The following ADGRL3 variants were observed in gnomAD, a reference collection of about 807,000 sequenced individuals.
ADGRL3 encodes calcium-independent alpha-latrotoxin receptor 3.
Under a neutral mutation model 153.5 loss-of-function variants are expected in ADGRL3, and 62 were observed. The ratio of observed to expected loss-of-function variants is 0.40; its 90% CI spans 0.33 to 0.50. ADGRL3 has a LOEUF of 0.50. ADGRL3 is among the 20% of genes least tolerant of loss of function. The pLI is 0.47. For synonymous variants in ADGRL3, 710 were observed against 672.5 expected (o/e 1.06, Z -0.86); for missense variants, 1,641 against 1,859.4 (o/e 0.88, Z 2.16).
At position 61,979,565 on chromosome 4, in the gene ADGRL3, C is replaced by T; in HGVS notation, c.2808C>T (p.His936=). The T allele has an allele frequency of 6.2e-7, 1 of 1,613,480 alleles. No individual in the cohort carries two copies. The highest frequency in any genetic ancestry group is 1.7e-4 in the Middle Eastern group (1 of 5,812). ...AVLMAHVEVK[H]SDAVHDLLLD... is the part of the protein sequence containing the mutation. ...TGGCTTTTTCATTGTGTTTCCAGCA[C>T]AGTGATGCGGTCCATGACCTCCTTC... is the stretch of plus-strand genomic sequence containing the variant. The change falls in exon 18 of 27, where the codon CAC becomes CAT. Residue 936 remains histidine (H), a splice_region_variant and synonymous_variant. Transcript: ENST00000683033.
chr4:61,234,719 T>G (rs1396789737), intron 1 of ADGRL3, among the ~76,000 whole-genome samples: 3 of 152,142 alleles, frequency 2.0e-5, no homozygotes, highest in African/African-American at 7.2e-5. Context: ...GTAATTGGTG[T>G]TGTTTTATAG....
chr4:61,268,193 G>A (rs943952596), intron 1 of ADGRL3, among the ~76,000 whole-genome samples: 16 of 151,512 alleles, frequency 1.1e-4, no homozygotes, highest in Non-Finnish European at 1.5e-5. Flanking sequence ...AACTTGGGGG[G>A]AAATTTCTGT....
At chr4:61,639,561 T>C (rs984283603) in intron 5 of ADGRL3, among the ~76,000 whole-genome samples, 2 of 152,130 alleles carry the variant, frequency 1.3e-5, no homozygotes, top group African/African-American at 2.4e-5. Context: ...AAAATCTCTC[T>C]GGAAAATAGG....
At position 61,479,927 on chromosome 4, in the gene ADGRL3, GT is replaced by G. The variant is rs951848819; in HGVS notation, c.-173-17185del. On this transcript the variant is annotated intron_variant, in intron 2 of 26. Transcript: ENST00000683033. Reference sequence around the variant, plus strand: ...ATTTGTATATAGTTAAGGTTCACAAGTTTTTTTTTGATGCATGTATGCATTG... The same window carrying G: ...ATTTGTATATAGTTAAGGTTCACAAGTTTTTTTTGATGCATGTATGCATTG... Among the ~76,000 whole-genome samples the G allele has an allele frequency of 2.3e-3, 351 of 151,224 alleles. 4 individuals carry two copies. Among genetic ancestry groups the G allele is most frequent in the African/African-American group, 8.0e-3 (332 of 41,318 alleles).
intron 5 of ADGRL3, among the ~76,000 whole-genome samples, chr4:61,600,398 C>A (rs1222616030): frequency 6.6e-6 from 1 of 150,692 alleles, no homozygotes; most frequent in Non-Finnish European, 1.5e-5. Context: ...TCCTGGAGCT[C>A]CAAAATTATG....
chr4:61,461,263 CAACA>C (rs977276521), intron 2 of ADGRL3, among the ~76,000 whole-genome samples: 6 of 151,978 alleles, frequency 3.9e-5, no homozygotes. Flanking sequence ...CAGTTAGTAC[CAACA>C]AACAGTTAGA....
intron 21 of ADGRL3, among the ~76,000 whole-genome samples, chr4:62,010,948 A>G (rs1209768874): frequency 2.6e-5 from 4 of 152,164 alleles, no homozygotes; most frequent in Admixed American, 6.5e-5. Flanking sequence ...AACCAAGTTC[A>G]TATCTTTAAT....
intron 8 of ADGRL3, among the ~76,000 whole-genome samples, chr4:61,803,143 G>GT (rs1029664629): frequency 6.3e-4 from 94 of 148,676 alleles, no homozygotes; most frequent in East Asian, 9.8e-4. Context: ...AATGGAAAAA[G>GT]TTTTTTTTTT....
intron 4 of ADGRL3, among the ~76,000 whole-genome samples, chr4:61,559,492 G>C (rs1341238002): frequency 1.3e-5 from 2 of 152,058 alleles, no homozygotes; most frequent in African/African-American, 2.4e-5. Context: ...ACCCATCGTG[G>C]CATTTTAGTA....
At chr4:61,890,156 C>G (rs1383578976) in intron 9 of ADGRL3, among the ~76,000 whole-genome samples, 1 of 152,070 alleles carries the variant, frequency 6.6e-6, no homozygotes, top group East Asian at 1.9e-4. Flanking sequence ...GAAGAAATAG[C>G]AATGCTTTGT....
intron 9 of ADGRL3, among the ~76,000 whole-genome samples, chr4:61,876,748 A>T (rs138996322): frequency 2.0e-5 from 3 of 151,680 alleles, no homozygotes; most frequent in African/African-American, 7.3e-5. Context: ...AAATAAAATA[A>T]AATAAAATAA....
intron 5 of ADGRL3, among the ~76,000 whole-genome samples, chr4:61,658,393 T>C (rs1196419781): frequency 1.3e-5 from 2 of 152,144 alleles, no homozygotes; most frequent in African/African-American, 4.8e-5. Flanking sequence ...GCTATATCAG[T>C]CCAGGCTCAT....
intron 6 of ADGRL3, among the ~76,000 whole-genome samples, chr4:61,680,102 T>G (rs867580391): frequency 1.3e-5 from 2 of 152,060 alleles, no homozygotes; most frequent in African/African-American, 2.4e-5. Context: ...TAAAATACTT[T>G]TTTAATTACC....
chr4:61,717,499 C>T (rs1348079086), intron 6 of ADGRL3, among the ~76,000 whole-genome samples: 1 of 151,996 alleles, frequency 6.6e-6, no homozygotes, highest in African/African-American at 2.4e-5. Context: ...TGACCTTGAG[C>T]AAGTAATTTA....
chr4:61,375,176 G>A (rs1578515787), intron 1 of ADGRL3, among the ~76,000 whole-genome samples: 1 of 152,032 alleles, frequency 6.6e-6, no homozygotes, highest in African/African-American at 2.4e-5. Context: ...TGAGTCTGTA[G>A]AAGGTATTTG....
chr4:61,631,666 T>G (rs878926289), intron 5 of ADGRL3, among the ~76,000 whole-genome samples: 1 of 152,216 alleles, frequency 6.6e-6, no homozygotes, highest in East Asian at 1.9e-4. Flanking sequence ...TACCAAACTT[T>G]TGTTGGCTAG....
chr4:61,887,483 G>T (rs1037930189), intron 9 of ADGRL3, among the ~76,000 whole-genome samples: 1 of 152,022 alleles, frequency 6.6e-6, no homozygotes, highest in Non-Finnish European at 1.5e-5. Context: ...TTAAAACTAG[G>T]AATATATAGT....
chr4:61,310,206 C>T (rs2094945091), intron 1 of ADGRL3, among the ~76,000 whole-genome samples: 1 of 151,534 alleles, frequency 6.6e-6, no homozygotes, highest in African/African-American at 2.4e-5. Flanking sequence ...CTTTATTTCC[C>T]CTAGCTGAAA....
At chr4:62,042,177 A>C (rs1728717549) in intron 24 of ADGRL3, among the ~76,000 whole-genome samples, 1 of 152,060 alleles carries the variant, frequency 6.6e-6, no homozygotes, top group East Asian at 1.9e-4. Flanking sequence ...AATGAACAAA[A>C]AAGACAAAAA....
Sources: allele counts gnomAD v4.1 joint callset (sites outside exome capture counted in the v4.1 genomes callset), GRCh38; gene constraint gnomAD v4.1.1; transcripts MANE v1.5; gene names NCBI Gene and HGNC (gene_info 2026-07-23, HGNC 2026-07-21).